The following GDF9 variants were observed in gnomAD, a reference collection of about 807,000 sequenced individuals.
GDF9 encodes growth differentiation factor 9.
A neutral mutation model predicts 33.8 loss-of-function variants in GDF9; 30 were observed. That is an observed-to-expected ratio of 0.89 (90% confidence interval 0.66 to 1.20). The LOEUF is 1.20. Among genes scored for constraint, GDF9 ranks in the 50% most tolerant of loss-of-function variants. The probability of loss-of-function intolerance (pLI) is 0.00; values close to 1 mark genes in which losing one functional copy is unlikely to be tolerated. For missense variants in GDF9, 556 were observed against 543.7 expected (o/e 1.02, Z -0.22); for synonymous variants, 205 against 200.7 (o/e 1.02, Z -0.18).
Position 132,861,984 on chromosome 5 carries a change from C to G in GDF9, c.970G>C (p.Val324Leu), listed in dbSNP as rs1235183175. The G allele has an allele frequency of 3.7e-6, 6 of 1,614,094 alleles. No homozygotes were observed. The highest frequency in any genetic ancestry group is 3.3e-5 in the Admixed American group (2 of 60,028). The change falls in exon 2 of 2, where the codon GTC becomes CTC. Residue 324 changes from valine to leucine, a missense_variant. Coordinates refer to ENST00000687138, the MANE Select transcript of GDF9 (RefSeq NM_005260.7). ...HHRHRRGQETVSSELKKPLGP... is the reference protein window; with the variant it reads ...HHRHRRGQETLSSELKKPLGP... ...AAGGGCTTCTTCAATTCAGAACTGA[C>G]AGTTTCCTGACCTCTGCGGTGACGG...
chr5:132,864,361 C>A lies in GDF9; in HGVS notation c.173G>T (p.Arg58Ile). ...SLLQHIDERDRAGLLPALFKV... is the reference protein window; with the variant it reads ...SLLQHIDERDIAGLLPALFKV... Reference sequence around the variant, plus strand: ...GAAAAGCGCGGGAAGGAGGCCAGCTCTGTCTCTCTCATCTATATGCTGCAG... The same window carrying A: ...GAAAAGCGCGGGAAGGAGGCCAGCTATGTCTCTCTCATCTATATGCTGCAG... Residue 58 changes from arginine to isoleucine, a missense_variant, in exon 1 of 2, where the codon AGA becomes ATA. Coordinates refer to ENST00000687138, the MANE Select transcript of GDF9 (RefSeq NM_005260.7). The A allele has an allele frequency of 1.2e-6, 2 of 1,614,184 alleles. No individual in the cohort carries two copies. Among genetic ancestry groups the A allele is most frequent in the East Asian group, 2.2e-5 (1 of 44,882 alleles).
chr5:132,864,064 C>T (rs1759434888), intron 1 of GDF9, 73 bp downstream of exon 1: 1 of 1,468,440 alleles, frequency 6.8e-7, no homozygotes, highest in Admixed American at 1.7e-5. Flanking sequence ...AGGCTCAGCT[C>T]CTTTCTGTAA....
At chr5:132,862,693 T>A (rs1293320965) in intron 1 of GDF9, 137 bp from the exon 2 acceptor site, 36 of 669,218 alleles carry the variant, frequency 5.4e-5, no homozygotes, top group Admixed American at 2.4e-4. Context: ...AAAAAAAAAA[T>A]GGGGGTTAAT....
chr5:132,863,705 T>C (rs1168504042), intron 1 of GDF9, among the ~76,000 whole-genome samples: 2 of 152,252 alleles, frequency 1.3e-5, no homozygotes, highest in Non-Finnish European at 2.9e-5. Flanking sequence ...TACTTTGTTC[T>C]TGTAAGGGCC....
chr5:132,862,367 G>A lies in GDF9; in HGVS notation c.587C>T (p.Ser196Leu), dbSNP rs1335614535. The A allele has an allele frequency of 1.2e-6, 2 of 1,613,766 alleles. No homozygotes were observed. Among genetic ancestry groups the A allele is most frequent in the South Asian group, 1.1e-5 (1 of 91,078 alleles). ...SSRTLGRAPY[S>L]FTFNSQFEFG... Reference sequence around the variant, plus strand: ...TTCAAACTGTGAGTTAAAGGTAAATGAGTATGGAGCTCTGCCGAGAGTCCT... The same window carrying A: ...TTCAAACTGTGAGTTAAAGGTAAATAAGTATGGAGCTCTGCCGAGAGTCCT... The change falls in exon 2 of 2, where the codon TCA becomes TTA. Residue 196 changes from serine to leucine, a missense_variant. By Grantham distance (145) the Ser-to-Leu change is moderately radical. Coordinates refer to ENST00000687138, the MANE Select transcript of GDF9 (RefSeq NM_005260.7).
Position 132,865,803 on chromosome 5 carries a change from T to G in GDF9, c.-1270A>C, listed in dbSNP as rs1759565921. Among the ~76,000 whole-genome samples the G allele has an allele frequency of 6.6e-6, 1 of 152,028 alleles. No homozygotes were observed. The highest frequency in any genetic ancestry group is 2.4e-5 in the African/African-American group (1 of 41,364). ...AGACACCTCAGGGCGAGCTGTACAT[T>G]GACAACAGCATCGTCAAGCAGAATG... On this transcript the variant is annotated 5_prime_UTR_variant, in exon 1 of 2. Coordinates refer to ENST00000687138, the MANE Select transcript of GDF9 (RefSeq NM_005260.7).
Position 132,864,432 on chromosome 5 carries a change from A to AGAAGC in GDF9, c.101_102insGCTTC (p.Ile34MetfsTer22). ...CAGATTCCAACTCAGCACTAGCAGC[A>AGAAGC]ATCTGAGCTTCTCCCCCAGAAGCCT... On this transcript the variant is annotated frameshift_variant, in exon 1 of 2. Transcript: ENST00000687138. LOFTEE classifies it high-confidence loss of function. The AGAAGC allele has an allele frequency of 6.2e-7, 1 of 1,613,944 alleles. No individual in the cohort carries two copies. Among genetic ancestry groups the AGAAGC allele is most frequent in the Non-Finnish European group, 8.5e-7 (1 of 1,179,930 alleles).
Position 132,864,222 on chromosome 5 carries a change from T to G in GDF9, c.312A>C (p.Lys104Asn), listed in dbSNP as rs753279563. The G allele has an allele frequency of 1.9e-6, 3 of 1,614,150 alleles. No individual in the cohort carries two copies. Among genetic ancestry groups the G allele is most frequent in the Non-Finnish European group, 2.5e-6 (3 of 1,180,012 alleles). ...TGTTGTAGAGGTGACTTCTATTGGA[T>G]TTAGGAATCCCTTCCTTGGTAGCAT... is the stretch of plus-strand genomic sequence containing the variant. ...KTYATKEGIP[K>N]SNRSHLYNTV... Residue 104 changes from lysine to asparagine, a missense_variant, in exon 1 of 2, where the codon AAA (lysine) becomes AAC (asparagine). Physicochemically the swap from Lys to Asn is moderately conservative, Grantham distance 94. Coordinates refer to ENST00000687138, the MANE Select transcript of GDF9 (RefSeq NM_005260.7).
Position 132,861,465 on chromosome 5 carries a change from C to A in GDF9, c.*124G>T. 1 of 833,404 alleles carries A rather than the reference C, an allele frequency of 1.2e-6. No homozygotes were observed. Among genetic ancestry groups the A allele is most frequent in the Non-Finnish European group, 2.1e-6 (1 of 480,346 alleles). 51.6% of individuals were successfully genotyped at this position (833,404 alleles called of 1,614,324 possible). A position where few individuals can be genotyped will look rare whatever the true frequency, so the allele number is the denominator to read the frequency against. On this transcript the variant is annotated 3_prime_UTR_variant, in exon 2 of 2. Coordinates refer to ENST00000687138, the MANE Select transcript of GDF9 (RefSeq NM_005260.7). The stretch of plus-strand genomic sequence containing the variant: ...CATAGAAGGTACTAACCTACACAGG[C>A]TCCTCTTTATATAACATATGCTACA...
At position 132,861,593 on chromosome 5, in the gene GDF9, C is replaced by T. The variant is rs188623863; in HGVS notation, c.1361G>A (p.Arg454His). 74 of 1,613,696 alleles carry T rather than the reference C, an allele frequency of 4.6e-5. No individual in the cohort carries two copies. The highest frequency in any genetic ancestry group is 1.3e-4 in the Admixed American group (8 of 60,022). ...EDMIATKCTC[R>H] The stretch of plus-strand genomic sequence containing the variant: ...AGGTTTTAAGAGGACCATTTGTTAA[C>T]GACAGGTGCACTTTGTAGCTATCAT... Residue 454 changes from arginine (R) to histidine (H), a missense_variant, in exon 2 of 2, where the codon CGT (arginine) becomes CAT (histidine). By Grantham distance (29) the Arg-to-His change is conservative. Transcript: ENST00000687138.
In GDF9 at chr5:132,861,555, C is replaced by T. The variant is rs764149027; in HGVS notation, c.*34G>A. ...ACATAGGCACACAGTAGTTACTTTGCCAAATAGGCTCAAGGTTTTAAGAGG... is the reference window on the plus strand; with the variant it reads ...ACATAGGCACACAGTAGTTACTTTGTCAAATAGGCTCAAGGTTTTAAGAGG... On this transcript the variant is annotated 3_prime_UTR_variant, in exon 2 of 2. Transcript: ENST00000687138. The T allele has an allele frequency of 6.2e-6, 10 of 1,601,172 alleles. No individual in the cohort carries two copies. The Admixed American group carries it at 1.5e-4, about 24-fold the overall frequency.
rs1759482334 is a variant in GDF9 at position 132,864,539 on chromosome 5, G to C, written c.-6C>G. 1 of 1,603,806 alleles carries C rather than the reference G, an allele frequency of 6.2e-7. No homozygotes were observed. Among genetic ancestry groups the C allele is most frequent in the East Asian group, 2.2e-5 (1 of 44,880 alleles). On this transcript the variant is annotated 5_prime_UTR_variant, in exon 1 of 2. Transcript: ENST00000687138. ...AATTTGTTGGGACGTGCCATGGCTT[G>C]GGAGAACTAGTGAGGAACATATTTC... is the stretch of plus-strand genomic sequence containing the variant.
chr5:132,862,152 T>C lies in GDF9; in HGVS notation c.802A>G (p.Asn268Asp), dbSNP rs760082149. The change falls in exon 2 of 2, where the codon AAT becomes GAT. Residue 268 changes from asparagine (N) to aspartate (D), a missense_variant. Physicochemically the swap from Asn to Asp is conservative, Grantham distance 23. Coordinates refer to ENST00000687138, the MANE Select transcript of GDF9 (RefSeq NM_005260.7). The part of the protein sequence containing the change: ...LVSPSLILYL[N>D]DTSAQAYHSW... ...TGATAAGCCTGAGCACTTGTGTCAT[T>C]CAAATATAAGATCAGTGAGGGGGAC... 6 of 1,613,338 alleles carry C rather than the reference T, an allele frequency of 3.7e-6. No homozygotes were observed. Among genetic ancestry groups the C allele is most frequent in the South Asian group, 1.1e-5 (1 of 91,064 alleles).
At position 132,861,811 on chromosome 5, in the gene GDF9, G is replaced by A. The variant is rs1352878700; in HGVS notation, c.1143C>T (p.Tyr381=). The A allele has an allele frequency of 1.9e-6, 3 of 1,613,536 alleles. No individual in the cohort carries two copies. Among genetic ancestry groups the A allele is most frequent in the South Asian group, 1.1e-5 (1 of 91,082 alleles). The stretch of plus-strand genomic sequence containing the variant: ...CTGCCCTTGGACAGTCCCCTTTACA[G>A]TATCGAGGGTTGTACCTGTGCGGAG... ...IVAPHRYNPR[Y]CKGDCPRAVG... Residue 381 remains tyrosine (Y), a synonymous_variant, in exon 2 of 2, where the codon TAC becomes TAT. Coordinates refer to ENST00000687138, the MANE Select transcript of GDF9 (RefSeq NM_005260.7).
rs1233831166 is a variant in GDF9 at position 132,864,806 on chromosome 5, C to T, written c.-273G>A. On this transcript the variant is annotated 5_prime_UTR_variant, in exon 1 of 2. Transcript: ENST00000687138. ...TTTTCCCCTGGCATTTACGTAAAAC[C>T]CGTTACTGTTACACTACCGGACTAA... The T allele has an allele frequency of 2.1e-6, 1 of 482,052 alleles. No homozygotes were observed. The highest frequency in any genetic ancestry group is 3.7e-6 in the Non-Finnish European group (1 of 270,516). The allele number at this position is 482,052 out of a possible 1,614,324, so 29.9% of individuals were successfully genotyped here.
Position 132,861,513 on chromosome 5 carries a change from CTT to C in GDF9, c.*74_*75del. The C allele has an allele frequency of 8.0e-7, 1 of 1,243,936 alleles. No homozygotes were observed. The highest frequency in any genetic ancestry group is 1.2e-6 in the Non-Finnish European group (1 of 843,222). 77.1% of individuals were successfully genotyped at this position (1,243,936 alleles called of 1,614,324 possible). On this transcript the variant is annotated 3_prime_UTR_variant, in exon 2 of 2. Transcript: ENST00000687138. Reference sequence around the variant, plus strand: ...ACATTTAGAGACTTAATATATGAAGCTTTCTCTTGAAGGCACACATAGGCACA... The same window carrying C: ...ACATTTAGAGACTTAATATATGAAGCTCTCTTGAAGGCACACATAGGCACA...
chr5:132,863,503 G>A (rs1030308870), intron 1 of GDF9, among the ~76,000 whole-genome samples: 5 of 150,398 alleles, frequency 3.3e-5, no homozygotes, highest in Admixed American at 6.6e-5. Context: ...GCAGTGGTGC[G>A]ATCTTGGCTC....
chr5:132,864,744 T>C lies in GDF9; in HGVS notation c.-211A>G. ...CACCTTATTTAGCCAATTTGTTAATTAGATACAGATTTACTTGGTTATTTA... is the reference window on the plus strand; with the variant it reads ...CACCTTATTTAGCCAATTTGTTAATCAGATACAGATTTACTTGGTTATTTA... On this transcript the variant is annotated 5_prime_UTR_variant, in exon 1 of 2. Coordinates refer to ENST00000687138, the MANE Select transcript of GDF9 (RefSeq NM_005260.7). 1.7e-6 allele frequency: 1 copy of C among 577,258 alleles called. No individual in the cohort carries two copies. The highest frequency in any genetic ancestry group is 2.8e-5 in the East Asian group (1 of 35,224). 35.8% of individuals were successfully genotyped at this position (577,258 alleles called of 1,614,324 possible).
chr5:132,862,053 G>C lies in GDF9; in HGVS notation c.901C>G (p.Pro301Ala), dbSNP rs765668045. 2.5e-6 allele frequency: 4 copies of C among 1,613,846 alleles called. No individual in the cohort carries two copies. The highest frequency in any genetic ancestry group is 1.3e-5 in the African/African-American group (1 of 75,044). The change falls in exon 2 of 2, where the codon CCT (proline) becomes GCT (alanine). Residue 301 changes from proline (P) to alanine (A), a missense_variant. Pro to Ala is a conservative substitution (Grantham distance 27, BLOSUM62 -1). Coordinates refer to ENST00000687138, the MANE Select transcript of GDF9 (RefSeq NM_005260.7). ...PDQERSLSAYPVGEEAAEDGR... is the reference protein window; with the variant it reads ...PDQERSLSAYAVGEEAAEDGR... ...TCCTCAGCAGCCTCTTCTCCCACAG[G>C]ATAGGCAGACAGACTTCTCTCCTGG...
Sources: allele counts gnomAD v4.1 joint callset (sites outside exome capture counted in the v4.1 genomes callset), GRCh38; gene constraint gnomAD v4.1.1; transcripts MANE v1.5; gene names NCBI Gene and HGNC (gene_info 2026-07-23, HGNC 2026-07-21).